The following PADI2 variants were observed in gnomAD, a reference collection of about 807,000 sequenced individuals.
PADI2 encodes the protein peptidyl arginine deiminase 2.
PADI2 carries 70 observed loss-of-function variants against 81.1 expected under a neutral mutation model. That is an observed-to-expected ratio of 0.86 (90% CI 0.71 to 1.05). PADI2 has a LOEUF of 1.05. Among genes scored for constraint, PADI2 ranks in the 50% least tolerant of loss-of-function variants. The probability of loss-of-function intolerance (pLI) is 0.00; values close to 1 mark genes in which losing one functional copy is unlikely to be tolerated. For missense variants in PADI2, 853 were observed against 889.9 expected (o/e 0.96, Z 0.53); for synonymous variants, 338 against 358.0 (o/e 0.94, Z 0.63).
intron 1 of PADI2, among the ~76,000 whole-genome samples, chr1:17,114,908 G>T (rs896595804): frequency 6.6e-6 from 1 of 152,198 alleles, no homozygotes; most frequent in Admixed American, 6.5e-5. Flanking sequence ...AATGGAGTGT[G>T]TGCTGAGGAA....
rs1262962983 is a variant in PADI2 at position 17,103,057 on chromosome 1, G to A, written c.279C>T (p.Val93=). Residue 93 remains valine, a splice_region_variant and synonymous_variant, in exon 3 of 16, where the codon GTC becomes GTT. Coordinates refer to ENST00000375486, the MANE Select transcript of PADI2 (RefSeq NM_007365.3). ...QASTEASSDK[V]TVNYYDEEGS... is the part of the protein sequence containing the mutation. ...CTTCCTCGTCATAGTAGTTGACGGT[G>A]ACCTTGGTGGGGAGGGGGCACATTG... 1 of 1,612,052 alleles carries A rather than the reference G, an allele frequency of 6.2e-7. No individual in the cohort carries two copies. Among genetic ancestry groups the A allele is most frequent in the Non-Finnish European group, 8.5e-7 (1 of 1,178,466 alleles).
At chr1:17,110,943 C>T (rs1221364010) in intron 1 of PADI2, among the ~76,000 whole-genome samples, 5 of 152,054 alleles carry the variant, frequency 3.3e-5, no homozygotes, top group Admixed American at 1.3e-4. Context: ...CTGGAGGAGG[C>T]GGGCTTACTT....
chr1:17,071,702 T>G (rs886105252), intron 13 of PADI2, among the ~76,000 whole-genome samples: 1 of 152,028 alleles, frequency 6.6e-6, no homozygotes, highest in African/African-American at 2.4e-5. Context: ...TTCTCCAGAG[T>G]TGACCATGAC....
chr1:17,105,799 G>T (rs1931353663), intron 1 of PADI2, among the ~76,000 whole-genome samples: 1 of 152,200 alleles, frequency 6.6e-6, no homozygotes, highest in Non-Finnish European at 1.5e-5. Context: ...CAGTCACCTG[G>T]CTGTGAAGAG....
chr1:17,109,737 C>T (rs935963929), intron 1 of PADI2, among the ~76,000 whole-genome samples: 3 of 152,242 alleles, frequency 2.0e-5, no homozygotes, highest in East Asian at 1.9e-4. Context: ...GTGATCCGTT[C>T]GCCTTGGCCT....
Position 17,068,320 on chromosome 1 carries a change from A to G in PADI2, c.*724T>C, listed in dbSNP as rs1391774911. ...GTCACAAGTATGCTGGTCTGGGGAGAAATCCCCATGCATGCGGGGGAGCCT... is the reference window on the plus strand; with the variant it reads ...GTCACAAGTATGCTGGTCTGGGGAGGAATCCCCATGCATGCGGGGGAGCCT... On this transcript the variant is annotated 3_prime_UTR_variant, in exon 16 of 16. Transcript: ENST00000375486. The G allele has an allele frequency of 6.5e-6, 1 of 152,742 alleles. No individual in the cohort carries two copies. Among genetic ancestry groups the G allele is most frequent in the Non-Finnish European group, 1.5e-5 (1 of 68,120 alleles). 9.5% of individuals were successfully genotyped at this position (152,742 alleles called of 1,614,324 possible). A position where few individuals can be genotyped will look rare whatever the true frequency, so the allele number is the denominator to read the frequency against.
intron 3 of PADI2, among the ~76,000 whole-genome samples, chr1:17,102,759 G>GGT (rs1553183556): frequency 6.6e-6 from 1 of 151,036 alleles, no homozygotes; most frequent in Non-Finnish European, 1.5e-5. Flanking sequence ...CTTGGGGGGG[G>GGT]GTTGCTGATG....
Position 17,070,096 on chromosome 1 carries a change from G to A in PADI2, c.1756C>T (p.Pro586Ser), listed in dbSNP as rs773775511. 2.5e-6 allele frequency: 4 copies of A among 1,613,810 alleles called. No homozygotes were observed. The highest frequency in any genetic ancestry group is 1.1e-5 in the South Asian group (1 of 91,046). ...DEDHRARAFF[P>S]NMVNMIVLDK... ...GGTCTGCAGGGCCTCACCATGTTTG[G>A]GAAGAAGGCTCTGGCACGGTGGTCC... is the stretch of plus-strand genomic sequence containing the variant. The change falls in exon 15 of 16, where the codon CCA (proline) becomes TCA (serine). Residue 586 changes from proline (P) to serine (S), a missense_variant. Transcript: ENST00000375486.
chr1:17,110,453 C>G (rs1931535480), intron 1 of PADI2, among the ~76,000 whole-genome samples: 1 of 152,164 alleles, frequency 6.6e-6, no homozygotes, highest in African/African-American at 2.4e-5. Flanking sequence ...GCTTTCCAAG[C>G]TGTATTACAC....
At chr1:17,075,190 T>A in intron 12 of PADI2, 1 of 434,900 alleles carries the variant, frequency 2.3e-6, no homozygotes, top group Non-Finnish European at 4.1e-6. Context: ...GGACAGGACA[T>A]CTCCAAGTTG....
intron 3 of PADI2, among the ~76,000 whole-genome samples, chr1:17,097,750 G>A (rs1277282268): frequency 9.1e-6 from 1 of 109,486 alleles, no homozygotes. Context: ...AAGGGAAGGC[G>A]GTACCACCAG....
At chr1:17,106,343 G>A (rs575934773) in intron 1 of PADI2, among the ~76,000 whole-genome samples, 1 of 152,234 alleles carries the variant, frequency 6.6e-6, no homozygotes, top group Non-Finnish European at 1.5e-5. Flanking sequence ...CCCCAAATTA[G>A]CATGCTGAAG....
intron 12 of PADI2, 139 bp downstream of exon 12, chr1:17,075,540 C>T: frequency 1.3e-6 from 1 of 750,592 alleles, no homozygotes; most frequent in Non-Finnish European, 2.1e-6. Context: ...ACAGCAACAA[C>T]ATGCAAACCA....
At chr1:17,087,582 C>G (rs903533521) in intron 6 of PADI2, among the ~76,000 whole-genome samples, 2 of 152,046 alleles carry the variant, frequency 1.3e-5, no homozygotes, top group African/African-American at 4.8e-5. Flanking sequence ...CTCACTGCAA[C>G]CTCTGCCTCC....
At chr1:17,110,104 T>A (rs1483091199) in intron 1 of PADI2, among the ~76,000 whole-genome samples, 1 of 152,182 alleles carries the variant, frequency 6.6e-6, no homozygotes, top group East Asian at 1.9e-4. Flanking sequence ...AGGGGCCCAT[T>A]GTGCCCCTGC....
intron 1 of PADI2, among the ~76,000 whole-genome samples, chr1:17,113,350 C>A (rs1170646030): frequency 6.6e-6 from 1 of 152,140 alleles, no homozygotes; most frequent in Non-Finnish European, 1.5e-5. Context: ...CTGTACCAAG[C>A]CCATGGCCCA....
At chr1:17,081,442 C>T (rs918367446) in intron 10 of PADI2, among the ~76,000 whole-genome samples, 1 of 152,200 alleles carries the variant, frequency 6.6e-6, no homozygotes, top group Admixed American at 6.5e-5. Context: ...ACCGGGTCCA[C>T]CTGACATTCC....
intron 12 of PADI2, chr1:17,075,198 T>C: frequency 2.3e-6 from 1 of 427,684 alleles, no homozygotes; most frequent in Admixed American, 4.2e-5. Flanking sequence ...CATCTCCAAG[T>C]TGCCAAGCAG....
At position 17,079,340 on chromosome 1, in the gene PADI2, C is replaced by A. The variant is rs1375168639; in HGVS notation, c.1234G>T (p.Glu412Ter). The A allele has an allele frequency of 6.2e-7, 1 of 1,614,074 alleles. No individual in the cohort carries two copies. The highest frequency in any genetic ancestry group is 1.7e-5 in the Admixed American group (1 of 60,026). Residue 412 changes from glutamate (E) to a stop codon, truncating the protein, a stop_gained, in exon 11 of 16, where the codon GAG (glutamate) becomes TAG (stop). Coordinates refer to ENST00000375486, the MANE Select transcript of PADI2 (RefSeq NM_007365.3). LOFTEE classifies it high-confidence loss of function. ...VTSLDSFGNL[E>*]VSPPVTVNGK... ...TTCACGGTCACTGGGGGACTGACCT[C>A]CAGGTTTCCAAATGAGTCAAGGCTG...
Sources: allele counts gnomAD v4.1 joint callset (sites outside exome capture counted in the v4.1 genomes callset), GRCh38; gene constraint gnomAD v4.1.1; transcripts MANE v1.5; gene names NCBI Gene and HGNC (gene_info 2026-07-23, HGNC 2026-07-21).